Variants in PCCA observed in about 807,000 individuals in gnomAD.
The protein encoded by PCCA is propionyl-CoA carboxylase subunit alpha, also known as propionyl-CoA carboxylase alpha chain, mitochondrial.
In PCCA, 74 loss-of-function variants were observed where a neutral mutation model predicts 101.3. The ratio of observed to expected loss-of-function variants is 0.73; its 90% CI spans 0.61 to 0.89. The LOEUF (loss-of-function observed/expected upper bound fraction) is 0.89, where lower values mean the gene tolerates loss of function less well. Ranked by LOEUF, PCCA falls within the 40% of genes least tolerant of loss-of-function variation. The pLI, the probability that PCCA is intolerant of heterozygous loss-of-function variation, is 0.00. For missense variants in PCCA, 891 were observed against 907.0 expected (o/e 0.98, Z 0.23); for synonymous variants, 294 against 313.6 (o/e 0.94, Z 0.66).
intron 4 of PCCA, among the ~76,000 whole-genome samples, chr13:100,148,297 G>C (rs1478471294): frequency 6.6e-6 from 1 of 152,022 alleles, no homozygotes; most frequent in Non-Finnish European, 1.5e-5. Context: ...CTTCTCAAAG[G>C]CATTTGTTCA....
At chr13:100,378,653 G>T (rs1255997827) in intron 19 of PCCA, among the ~76,000 whole-genome samples, 1 of 151,994 alleles carries the variant, frequency 6.6e-6, no homozygotes, top group Non-Finnish European at 1.5e-5. Flanking sequence ...TTGTGTGACT[G>T]CATTATTTCA....
intron 22 of PCCA, among the ~76,000 whole-genome samples, chr13:100,520,418 C>T (rs1382142095): frequency 2.6e-5 from 4 of 152,000 alleles, no homozygotes; most frequent in Non-Finnish European, 4.4e-5. Context: ...GAGGCCGAGG[C>T]GGGCGGATCA....
rs1420590264 is a variant in PCCA, at chr13:100,302,796, T to A, written c.1210-128T>A. ...CGTAAAAGACAATAATATTCTGAAA[T>A]CTGTGATTTGGTAAATACCATATGT... On this transcript the variant is annotated intron_variant, in intron 13 of 23. Coordinates refer to ENST00000376285, the MANE Select transcript of PCCA (RefSeq NM_000282.4). 6.8e-5 allele frequency: 49 copies of A among 718,270 alleles called. 1 individual carries two copies. The highest frequency in any genetic ancestry group is 5.8e-4 in the South Asian group (39 of 67,766). The allele number at this position is 718,270 out of a possible 1,614,324, so 44.5% of individuals were successfully genotyped here. A position where few individuals can be genotyped will look rare whatever the true frequency, so the allele number is the denominator to read the frequency against.
At chr13:100,197,351 C>T (rs919112511) in intron 6 of PCCA, among the ~76,000 whole-genome samples, 1 of 151,932 alleles carries the variant, frequency 6.6e-6, no homozygotes, top group Non-Finnish European at 1.5e-5. Flanking sequence ...GGGACCATGC[C>T]TGGTTAATTT....
intron 17 of PCCA, among the ~76,000 whole-genome samples, 172 bp downstream of exon 17, chr13:100,330,843 C>T (rs928997358): frequency 1.3e-5 from 2 of 152,120 alleles, no homozygotes; most frequent in Non-Finnish European, 2.9e-5. Flanking sequence ...ATGGATGACT[C>T]ATGAGTGTGA....
At chr13:100,327,286 C>G (rs993095769) in intron 16 of PCCA, among the ~76,000 whole-genome samples, 1 of 152,132 alleles carries the variant, frequency 6.6e-6, no homozygotes, top group Admixed American at 6.5e-5. Context: ...GGCTCGTTTG[C>G]ATGTCCTAAA....
chr13:100,348,002 G>C (rs893171747), intron 18 of PCCA, among the ~76,000 whole-genome samples: 2 of 152,174 alleles, frequency 1.3e-5, no homozygotes, highest in Admixed American at 1.3e-4. Flanking sequence ...TGCTTACTGA[G>C]GAGGTCCTTG....
chr13:100,285,918 C>T (rs1198623413), intron 12 of PCCA, among the ~76,000 whole-genome samples: 1 of 152,222 alleles, frequency 6.6e-6, no homozygotes, highest in African/African-American at 2.4e-5. Flanking sequence ...CCTCTTACCC[C>T]AGAGACCAGT....
intron 6 of PCCA, among the ~76,000 whole-genome samples, chr13:100,167,601 A>G (rs1228217425): frequency 3.3e-5 from 5 of 152,192 alleles, no homozygotes; most frequent in Non-Finnish European, 2.9e-5. Flanking sequence ...TGCCAAACTC[A>G]AGGTCACTGA....
At chr13:100,505,005 A>T (rs1469637139) in intron 21 of PCCA, among the ~76,000 whole-genome samples, 3 of 152,236 alleles carry the variant, frequency 2.0e-5, no homozygotes, top group Middle Eastern at 3.2e-3. Flanking sequence ...TAAAGAAGGA[A>T]TCTGAGACAT....
chr13:100,261,105 A>G (rs1367427193), intron 9 of PCCA, among the ~76,000 whole-genome samples: 2 of 152,168 alleles, frequency 1.3e-5, no homozygotes, highest in African/African-American at 4.8e-5. Context: ...ACTTTATTAA[A>G]TATAAAAGGA....
At chr13:100,395,720 TG>T (rs2077013688) in intron 19 of PCCA, among the ~76,000 whole-genome samples, 1 of 152,236 alleles carries the variant, frequency 6.6e-6, no homozygotes, top group Non-Finnish European at 1.5e-5. Context: ...GATTTTGTAA[TG>T]TTTTTATTTG....
At chr13:100,105,928 A>T in intron 2 of PCCA, among the ~76,000 whole-genome samples, 1 of 148,072 alleles carries the variant, frequency 6.8e-6, no homozygotes, top group East Asian at 2.0e-4. Flanking sequence ...AGTTTGTGGT[A>T]TTCGTCAATA....
intron 19 of PCCA, among the ~76,000 whole-genome samples, chr13:100,376,102 C>A (rs1281980718): frequency 6.6e-6 from 1 of 152,196 alleles, no homozygotes; most frequent in Non-Finnish European, 1.5e-5. Context: ...AACAGTCAGG[C>A]CCCTCTGCTG....
At chr13:100,092,754 T>A (rs2046398418) in intron 1 of PCCA, among the ~76,000 whole-genome samples, 1 of 152,224 alleles carries the variant, frequency 6.6e-6, no homozygotes, top group African/African-American at 2.4e-5. Flanking sequence ...ATCCATTATT[T>A]TCTTTTGTAA....
Position 100,362,123 on chromosome 13 carries a change from G to A in PCCA, c.1644-6349G>A, listed in dbSNP as rs1022959332. On this transcript the variant is annotated intron_variant, in intron 18 of 23. Transcript: ENST00000376285. ...GATGCACCTCAAAAACATTATATTG[G>A]TCAAAAAAGCCACAGTTTTTTTTGG... Among the ~76,000 whole-genome samples, 8 of 152,004 alleles carry A rather than the reference G, an allele frequency of 5.3e-5. 1 individual carries two copies. The highest frequency in any genetic ancestry group is 1.9e-4 in the African/African-American group (8 of 41,376).
chr13:100,234,149 C>A (rs1197948765), intron 7 of PCCA, among the ~76,000 whole-genome samples: 1 of 152,130 alleles, frequency 6.6e-6, no homozygotes, highest in Non-Finnish European at 1.5e-5. Context: ...TCAAGAGGCA[C>A]TAATTGTTCG....
chr13:100,288,275 C>G lies in PCCA; in HGVS notation c.1066-13185C>G, dbSNP rs564758831. Among the ~76,000 whole-genome samples the G allele has an allele frequency of 5.3e-5, 8 of 152,130 alleles. No homozygotes were observed. In the South Asian group the frequency reaches 6.3e-4, roughly 12 times the overall value. On this transcript the variant is annotated intron_variant, in intron 12 of 23. Transcript: ENST00000376285. ...TTTGTTACAACTGATGAGCCGTTATCGATGCATTGTGGGTTTTTTGTTTGT... is the reference window on the plus strand; with the variant it reads ...TTTGTTACAACTGATGAGCCGTTATGGATGCATTGTGGGTTTTTTGTTTGT...
rs946273490 is a variant in PCCA at position 100,488,115 on chromosome 13, C to T, written c.1900-27312C>T. On this transcript the variant is annotated intron_variant, in intron 21 of 23. Coordinates refer to ENST00000376285, the MANE Select transcript of PCCA (RefSeq NM_000282.4). Reference sequence around the variant, plus strand: ...TTTATTTATTTATTTATTTTTGAGACGGAGGTTCGCTCTGGTTGCCCAGGC... The same window carrying T: ...TTTATTTATTTATTTATTTTTGAGATGGAGGTTCGCTCTGGTTGCCCAGGC... 9.9e-5 allele frequency among the ~76,000 whole-genome samples: 15 copies of T among 151,840 alleles called. No homozygotes were observed. In the East Asian group the frequency reaches 1.7e-3, roughly 18 times the overall value.
Sources: gnomAD v4.1 joint callset for allele counts (sites outside exome capture counted in the v4.1 genomes callset) on GRCh38, gnomAD v4.1.1 for gene constraint, MANE v1.5 for transcripts, NCBI Gene and HGNC (gene_info 2026-07-23, HGNC 2026-07-21) for gene names.